CCDC88A: variants seen among roughly 807,000 people sequenced by gnomAD.
The protein encoded by CCDC88A is coiled-coil and HOOK domain protein 88A, also known as girdin.
CCDC88A carries 54 observed loss-of-function variants against 234.3 expected under a neutral mutation model. That is an observed-to-expected ratio of 0.23 (90% CI 0.19 to 0.29). CCDC88A has a LOEUF of 0.29. Ranked by LOEUF, CCDC88A falls within the 10% of genes least tolerant of loss-of-function variation. The probability of loss-of-function intolerance (pLI) is 1.00; values close to 1 mark genes in which losing one functional copy is unlikely to be tolerated. For synonymous variants in CCDC88A, 753 were observed against 737.8 expected, an observed-to-expected ratio of 1.02 and a Z score of -0.33; for missense variants, 1,832 against 2,123.4, an observed-to-expected ratio of 0.86 and a Z score of 2.70.
intron 31 of CCDC88A, chr2:55,293,454 A>G (rs780590424): frequency 1.3e-5 from 2 of 152,354 alleles, no homozygotes; most frequent in Non-Finnish European, 2.9e-5. Flanking sequence ...AAATATGACA[A>G]TCCTCTGATT....
intron 3 of CCDC88A, among the ~76,000 whole-genome samples, chr2:55,378,736 T>C (rs1268649867): frequency 1.1e-5 from 1 of 87,738 alleles, no homozygotes; most frequent in Non-Finnish European, 2.3e-5. Flanking sequence ...TATACACATA[T>C]ACTTTTTTTT....
At chr2:55,331,686 T>C (rs764997741) in intron 16 of CCDC88A, 29 of 152,192 alleles carry the variant, frequency 1.9e-4, no homozygotes, top group Non-Finnish European at 3.1e-4. Context: ...GTTTGATAGA[T>C]TGTAATTACC....
Position 55,362,332 on chromosome 2 carries a change from T to G in CCDC88A, c.603A>C (p.Ile201=). ...KNMALHLKRL[I]DERDEHSETI... ...CCTCTGAATGTTCATCTCTCTCATC[T>G]ATAAGTCTTTTTAGATGCAATGCCA... Residue 201 remains isoleucine, a synonymous_variant, in exon 7 of 33, where the codon ATA becomes ATC. Transcript: ENST00000436346. 6.3e-7 allele frequency: 1 copy of G among 1,594,030 alleles called. No individual in the cohort carries two copies. Among genetic ancestry groups the G allele is most frequent in the Non-Finnish European group, 8.5e-7 (1 of 1,172,448 alleles).
In CCDC88A at chr2:55,355,767, G is replaced by C. The variant is rs1266903687; in HGVS notation, c.628-16C>G. ...CTATGATAGTCTAGAAATACACACA[G>C]AATCACTTTCAGTATTCTACATATT... On this transcript the variant is annotated splice_polypyrimidine_tract_variant and intron_variant, in intron 7 of 32. Coordinates refer to ENST00000436346, the MANE Select transcript of CCDC88A (RefSeq NM_001365480.1). 3.1e-6 allele frequency: 5 copies of C among 1,597,710 alleles called. No individual in the cohort carries two copies. The highest frequency in any genetic ancestry group is 2.2e-5 in the East Asian group (1 of 44,462).
intron 2 of CCDC88A, chr2:55,418,466 G>T (rs963261673): frequency 8.1e-6 from 2 of 245,854 alleles, no homozygotes; most frequent in African/African-American, 4.4e-5. Context: ...TAACTTCACA[G>T]TAAAGTCTTT....
At chr2:55,385,373 G>C (rs1223152176) in intron 3 of CCDC88A, among the ~76,000 whole-genome samples, 1 of 152,158 alleles carries the variant, frequency 6.6e-6, no homozygotes, top group African/African-American at 2.4e-5. Context: ...CACAAATATG[G>C]AGTGAATTAG....
rs1685342495 is a variant in CCDC88A, at chr2:55,335,289, T to C, written c.1657-125A>G. 1.8e-6 allele frequency: 1 copy of C among 547,868 alleles called. No individual in the cohort carries two copies. Among genetic ancestry groups the C allele is most frequent in the Non-Finnish European group, 3.0e-6 (1 of 329,556 alleles). 33.9% of individuals were successfully genotyped at this position (547,868 alleles called of 1,614,324 possible). ...GTGCTAGAACATGTCTTACTTTTAA[T>C]TCTGACAAGTATTTACTGAAGACCA... On this transcript the variant is annotated intron_variant, in intron 14 of 32. Transcript: ENST00000436346. The surrounding 1 kb of genome is among the most constrained non-coding windows in gnomAD (Gnocchi z 4.5).
chr2:55,297,726 A>G (rs1680368519), intron 29 of CCDC88A, among the ~76,000 whole-genome samples: 2 of 151,836 alleles, frequency 1.3e-5, no homozygotes, highest in African/African-American at 4.8e-5. Flanking sequence ...GGTGAATTTT[A>G]TATTATTTCA....
intron 29 of CCDC88A, among the ~76,000 whole-genome samples, chr2:55,299,153 G>A (rs1374460209): frequency 6.6e-6 from 1 of 151,984 alleles, no homozygotes; most frequent in Non-Finnish European, 1.5e-5. Context: ...ACAGTGAGCT[G>A]AGATCACACC....
In CCDC88A at chr2:55,328,896, T is replaced by G. The variant is rs188619150; in HGVS notation, c.2856-461A>C. 5.5e-3 allele frequency: 848 copies of G among 153,586 alleles called. 6 individuals are homozygous for G. The highest frequency in any genetic ancestry group is 6.7e-3 in the Non-Finnish European group (460 of 69,122). The allele number at this position is 153,586 out of a possible 1,614,324, so 9.5% of individuals were successfully genotyped here. On this transcript the variant is annotated intron_variant, in intron 16 of 32. Transcript: ENST00000436346. The surrounding 1 kb of genome is among the most constrained non-coding windows in gnomAD (Gnocchi z 4.3). ...AGCGATTCTCCTGCCTCAGCCTCCC[T>G]AGTAGCTGGGATTACAGGCATGTGC... is the stretch of plus-strand genomic sequence containing the variant.
chr2:55,400,622 T>A (rs1473768425), intron 2 of CCDC88A, among the ~76,000 whole-genome samples: 1 of 152,252 alleles, frequency 6.6e-6, no homozygotes, highest in Non-Finnish European at 1.5e-5. Context: ...GTTAGCAATT[T>A]TGCAACGCTA....
chr2:55,324,744 C>T (rs1364995864), intron 17 of CCDC88A, among the ~76,000 whole-genome samples: 1 of 151,984 alleles, frequency 6.6e-6, no homozygotes, highest in Non-Finnish European at 1.5e-5. Context: ...CTCCTGGGTT[C>T]AAGTGATTCT....
At position 55,291,749 on chromosome 2, in the gene CCDC88A, T is replaced by C; in HGVS notation, c.5578A>G (p.Asn1860Asp). 6.2e-7 allele frequency: 1 copy of C among 1,612,668 alleles called. No individual in the cohort carries two copies. Among genetic ancestry groups the C allele is most frequent in the Non-Finnish European group, 8.5e-7 (1 of 1,179,096 alleles). ...SNVDKVQESR[N>D]SKSRSREQQS... Reference sequence around the variant, plus strand: ...TGCTCCCTAGACCTGCTTTTTGAATTTCTGCTTTCTTGTACTTTGTCCACA... The same window carrying C: ...TGCTCCCTAGACCTGCTTTTTGAATCTCTGCTTTCTTGTACTTTGTCCACA... Residue 1860 changes from asparagine to aspartate, a missense_variant, in exon 32 of 33, where the codon AAT becomes GAT. Physicochemically the swap from Asn to Asp is conservative, Grantham distance 23. Coordinates refer to ENST00000436346, the MANE Select transcript of CCDC88A (RefSeq NM_001365480.1).
At chr2:55,349,697 T>C (rs1301680626) in intron 8 of CCDC88A, 98 bp from the exon 9 acceptor site, 1 of 758,000 alleles carries the variant, frequency 1.3e-6, no homozygotes. Flanking sequence ...AAATAACTAG[T>C]TGGACATAGT....
chr2:55,385,633 A>G (rs1427476849), intron 3 of CCDC88A, among the ~76,000 whole-genome samples: 1 of 152,064 alleles, frequency 6.6e-6, no homozygotes, highest in East Asian at 1.9e-4. Flanking sequence ...CGCGTGGATC[A>G]TCTGAGGTCA....
intron 25 of CCDC88A, among the ~76,000 whole-genome samples, chr2:55,307,671 T>C (rs1469342156): frequency 2.6e-5 from 4 of 151,932 alleles, no homozygotes; most frequent in African/African-American, 7.3e-5. Context: ...TTTTAAATAA[T>C]AGAGACAGTG....
At chr2:55,294,984 G>A in intron 31 of CCDC88A, 1 of 1,198,564 alleles carries the variant, frequency 8.3e-7, no homozygotes, top group East Asian at 5.9e-5. Context: ...ATGATATTTT[G>A]TTAACAGCAA....
Position 55,365,902 on chromosome 2 carries a change from C to G in CCDC88A, c.403-1869G>C, listed in dbSNP as rs951495986. Among the ~76,000 whole-genome samples the G allele has an allele frequency of 1.1e-4, 17 of 152,236 alleles. No individual in the cohort carries two copies. In the South Asian group the frequency reaches 2.3e-3, roughly 20 times the overall value. Reference sequence around the variant, plus strand: ...TTAGCTATATGCAGCTACTGAGTACCTGAAATGTAGCTAGTGCAACTGGGA... The same window carrying G: ...TTAGCTATATGCAGCTACTGAGTACGTGAAATGTAGCTAGTGCAACTGGGA... On this transcript the variant is annotated intron_variant, in intron 5 of 32. Coordinates refer to ENST00000436346, the MANE Select transcript of CCDC88A (RefSeq NM_001365480.1).
intron 15 of CCDC88A, among the ~76,000 whole-genome samples, chr2:55,333,089 C>G (rs569278902): frequency 6.6e-6 from 1 of 152,164 alleles, no homozygotes; most frequent in Non-Finnish European, 1.5e-5. Flanking sequence ...GAAAGAGGCC[C>G]TATGATACTG....
Sources: gnomAD v4.1 joint callset for allele counts (sites outside exome capture counted in the v4.1 genomes callset) on GRCh38, gnomAD v4.1.1 for gene constraint, Gnocchi (gnomAD v3.1) non-coding constraint, MANE v1.5 for transcripts, NCBI Gene and HGNC (gene_info 2026-07-23, HGNC 2026-07-21) for gene names.